The following CCDC102A variants were observed in gnomAD, a reference collection of about 807,000 sequenced individuals.
The protein encoded by CCDC102A is coiled-coil domain-containing protein 102A.
CCDC102A carries 40 observed loss-of-function variants against 55.5 expected under a neutral mutation model. That is an observed-to-expected ratio of 0.72 (90% confidence interval 0.56 to 0.94). The LOEUF (loss-of-function observed/expected upper bound fraction) is 0.94. CCDC102A is among the 40% of genes least tolerant of loss of function. The pLI is 0.00. For synonymous variants in CCDC102A, 323 were observed against 339.0 expected, an observed-to-expected ratio of 0.95 and a Z score of 0.52; for missense variants, 779 against 768.6, an observed-to-expected ratio of 1.01 and a Z score of -0.16.
chr16:57,515,510 C>A, intron 7 of CCDC102A, 66 bp from the exon 8 acceptor site: 1 of 947,570 alleles, frequency 1.1e-6, no homozygotes, highest in Non-Finnish European at 1.7e-6. Context: ...GGCCACCCGC[C>A]CAGGGAAAAC....
In CCDC102A at chr16:57,516,873, C is replaced by T. The variant is rs9922214; in HGVS notation, c.1249-410G>A. ...GTGGGTGTCTCAGAGCCCAGAGTGGCTGGGAAGAGGAAGGGCAGCCAGCAA... is the reference window on the plus strand; with the variant it reads ...GTGGGTGTCTCAGAGCCCAGAGTGGTTGGGAAGAGGAAGGGCAGCCAGCAA... On this transcript the variant is annotated intron_variant, in intron 6 of 8. Coordinates refer to ENST00000258214, the MANE Select transcript of CCDC102A (RefSeq NM_033212.4). The surrounding 1 kb of genome is among the most constrained non-coding windows in gnomAD (Gnocchi z 4.4). Among the ~76,000 whole-genome samples, 66,002 of 151,978 alleles carry T rather than the reference C, an allele frequency of 0.43. 18,925 individuals carry two copies. The highest frequency in any genetic ancestry group is 0.82 in the African/African-American group (34,059 of 41,460).
rs760165278 is a variant in CCDC102A at position 57,518,250 on chromosome 16, C to T, written c.1066G>A (p.Ala356Thr). Residue 356 changes from alanine (A) to threonine (T), a missense_variant, in exon 6 of 9, where the codon GCG becomes ACG. Ala to Thr is a moderately conservative substitution (Grantham distance 58). Coordinates refer to ENST00000258214, the MANE Select transcript of CCDC102A (RefSeq NM_033212.4). ...EMERLQAENA[A>T]EWGRRERLET... The stretch of plus-strand genomic sequence containing the variant: ...AGCCGCTCCCGGCGGCCCCACTCCG[C>T]AGCGTTTTCGGCCTGCAGCCGCTCC... 8.7e-6 allele frequency: 14 copies of T among 1,610,802 alleles called. No individual in the cohort carries two copies. In the Admixed American group the frequency reaches 1.0e-4, roughly 11 times the overall value.
intron 1 of CCDC102A, among the ~76,000 whole-genome samples, chr16:57,531,866 AACT>A (rs1209409179): frequency 2.6e-5 from 4 of 151,444 alleles, no homozygotes; most frequent in Non-Finnish European, 5.9e-5. Flanking sequence ...TCTTACCTTC[AACT>A]ATGGAGCCAG....
chr16:57,536,299 T>G (rs2032386679), intron 1 of CCDC102A, among the ~76,000 whole-genome samples: 1 of 148,616 alleles, frequency 6.7e-6, no homozygotes, highest in Non-Finnish European at 1.5e-5. Context: ...AGACCTGGGG[T>G]TCCGGGGGCT....
intron 3 of CCDC102A, among the ~76,000 whole-genome samples, chr16:57,525,367 C>T (rs1192173858): frequency 6.6e-6 from 1 of 152,180 alleles, no homozygotes; most frequent in Admixed American, 6.5e-5. Flanking sequence ...TCCCAAAGTG[C>T]TGGGATTACA....
At position 57,521,178 on chromosome 16, in the gene CCDC102A, T is replaced by C. The variant is rs748000043; in HGVS notation, c.813-2A>G. 7.5e-6 allele frequency: 12 copies of C among 1,609,466 alleles called. No individual in the cohort carries two copies. The highest frequency in any genetic ancestry group is 1.0e-5 in the Non-Finnish European group (12 of 1,177,628). On this transcript the variant is annotated splice_acceptor_variant, in intron 3 of 8. Coordinates refer to ENST00000258214, the MANE Select transcript of CCDC102A (RefSeq NM_033212.4). LOFTEE classifies it high-confidence loss of function. Reference sequence around the variant, plus strand: ...TTCCTGCTCAACGCCAGTTTATCCCTGGGGAAGGGACAGACATGGGGGTGA... The same window carrying C: ...TTCCTGCTCAACGCCAGTTTATCCCCGGGGAAGGGACAGACATGGGGGTGA...
intron 3 of CCDC102A, among the ~76,000 whole-genome samples, chr16:57,522,107 G>A (rs755122610): frequency 3.3e-5 from 5 of 152,240 alleles, no homozygotes; most frequent in Non-Finnish European, 7.3e-5. Flanking sequence ...GACATTGCTC[G>A]GGGTAGAGAT....
At chr16:57,518,565 T>C in intron 5 of CCDC102A, 60 bp downstream of exon 5, 1 of 1,324,568 alleles carries the variant, frequency 7.5e-7, no homozygotes, top group Non-Finnish European at 1.1e-6. Flanking sequence ...GACCTGCTGA[T>C]GGAGCAGGGC....
intron 4 of CCDC102A, among the ~76,000 whole-genome samples, chr16:57,519,028 GCAAT>G (rs2032004572): frequency 6.6e-6 from 1 of 152,184 alleles, no homozygotes; most frequent in Admixed American, 6.5e-5. Context: ...AAAGATGAAT[GCAAT>G]CATACCACCC....
intron 1 of CCDC102A, among the ~76,000 whole-genome samples, chr16:57,530,192 C>T (rs1182497036): frequency 6.6e-6 from 1 of 152,160 alleles, no homozygotes; most frequent in Non-Finnish European, 1.5e-5. Flanking sequence ...CTCCCTGACA[C>T]CGTGACTCAC....
intron 7 of CCDC102A, among the ~76,000 whole-genome samples, 199 bp from the exon 8 acceptor site, chr16:57,515,643 T>C (rs1464529006): frequency 6.6e-6 from 1 of 152,032 alleles, no homozygotes; most frequent in East Asian, 1.9e-4. Flanking sequence ...TTGCCTCCTC[T>C]TGCACATCTA....
chr16:57,526,159 GGCC>G (rs1345083182), intron 2 of CCDC102A, 32 bp from the exon 3 acceptor site: 4 of 1,479,046 alleles, frequency 2.7e-6, no homozygotes, highest in South Asian at 1.3e-5. Flanking sequence ...CTGGACCAGT[GGCC>G]GCCAAGCCAG....
At chr16:57,523,918 G>A (rs2032091986) in intron 3 of CCDC102A, among the ~76,000 whole-genome samples, 1 of 152,164 alleles carries the variant, frequency 6.6e-6, no homozygotes, top group African/African-American at 2.4e-5. Context: ...GTGGGGTCAT[G>A]AAGGGCAGCG....
In CCDC102A at chr16:57,512,384, T is replaced by TG. The variant is rs2031877471; in HGVS notation, c.*356dup. On this transcript the variant is annotated 3_prime_UTR_variant, in exon 9 of 9. Coordinates refer to ENST00000258214, the MANE Select transcript of CCDC102A (RefSeq NM_033212.4). ...CGAAGCCTAGAGAGGCAGCCCAGGG[T>TG]GGGGCTCCAACAACTGCCCCCAACA... 2.5e-6 allele frequency: 1 copy of TG among 400,154 alleles called. No individual in the cohort carries two copies. Among genetic ancestry groups the TG allele is most frequent in the Non-Finnish European group, 4.4e-6 (1 of 227,236 alleles). 24.8% of individuals were successfully genotyped at this position (400,154 alleles called of 1,614,324 possible).
intron 3 of CCDC102A, among the ~76,000 whole-genome samples, chr16:57,525,324 C>A (rs2032120207): frequency 6.6e-6 from 1 of 152,190 alleles, no homozygotes; most frequent in South Asian, 2.1e-4. Flanking sequence ...AGGTCTCCAA[C>A]TCCTGACCTC....
Position 57,512,751 on chromosome 16 carries a change from T to C in CCDC102A, c.1643A>G (p.Gln548Arg), listed in dbSNP as rs2146695044. The part of the protein sequence containing the change: ...DLDEDEDLQI[Q>R]VA Reference sequence around the variant, plus strand: ...CAGCCACAGGAAGCTCTAGGCCACCTGGATTTGCAGGTCCTCGTCCTCGTC... The same window carrying C: ...CAGCCACAGGAAGCTCTAGGCCACCCGGATTTGCAGGTCCTCGTCCTCGTC... Residue 548 changes from glutamine (Q) to arginine (R), a missense_variant, in exon 9 of 9, where the codon CAG becomes CGG. Coordinates refer to ENST00000258214, the MANE Select transcript of CCDC102A (RefSeq NM_033212.4). 1.2e-6 allele frequency: 2 copies of C among 1,613,904 alleles called. No homozygotes were observed. The highest frequency in any genetic ancestry group is 1.7e-6 in the Non-Finnish European group (2 of 1,179,868).
In CCDC102A at chr16:57,529,285, C is replaced by G. The variant is rs2032208287; in HGVS notation, c.-108G>C. 8.9e-7 allele frequency: 1 copy of G among 1,118,376 alleles called. No individual in the cohort carries two copies. Among genetic ancestry groups the G allele is most frequent in the Non-Finnish European group, 1.1e-6 (1 of 913,968 alleles). 69.3% of individuals were successfully genotyped at this position (1,118,376 alleles called of 1,614,324 possible). On this transcript the variant is annotated 5_prime_UTR_variant, in exon 2 of 9. Transcript: ENST00000258214. This position sits in a 1 kb window ranked among gnomAD's most constrained non-coding sequence, Gnocchi z 4.1. ...CTGTGCATGATGACGCCGTGCCCCG[C>G]TTCCCTCTGGGCCACCGGGCGGAGG...
At chr16:57,514,933 G>T (rs1356519297) in intron 8 of CCDC102A, among the ~76,000 whole-genome samples, 2 of 152,090 alleles carry the variant, frequency 1.3e-5, no homozygotes, top group African/African-American at 4.8e-5. Context: ...CAGGCCTGGG[G>T]CCCCTCCACG....
At chr16:57,524,924 G>C (rs1316173474) in intron 3 of CCDC102A, among the ~76,000 whole-genome samples, 2 of 152,074 alleles carry the variant, frequency 1.3e-5, no homozygotes, top group Non-Finnish European at 2.9e-5. Flanking sequence ...ACGGTTTCTT[G>C]TGGTTCCCCT....
Sources: gnomAD v4.1 joint callset for allele counts (sites outside exome capture counted in the v4.1 genomes callset) on GRCh38, gnomAD v4.1.1 for gene constraint, Gnocchi (gnomAD v3.1) non-coding constraint, MANE v1.5 for transcripts, NCBI Gene and HGNC (gene_info 2026-07-23, HGNC 2026-07-21) for gene names.